Variants in SSX1 observed in about 807,000 individuals in gnomAD.
SSX1 encodes the protein SSX family member 1, also known as protein SSX1.
In SSX1, 58 loss-of-function variants were observed where a neutral mutation model predicts 14.6. That is an observed-to-expected ratio of 3.96 (90% CI 3.21 to 4.93). The LOEUF (loss-of-function observed/expected upper bound fraction) is 4.93. SSX1 is among the 30% of genes most tolerant of loss of function. The pLI, the probability that SSX1 is intolerant of heterozygous loss-of-function variation, is 0.00. For synonymous variants in SSX1, 46 were observed against 52.1 expected (o/e 0.88, Z 0.50); for missense variants, 272 against 143.1 (o/e 1.90, Z -4.60).
Position 48,257,734 on chromosome X carries a change from T to A in SSX1, c.70-12T>A. On this transcript the variant is annotated splice_polypyrimidine_tract_variant and intron_variant, in intron 2 of 7. Transcript: ENST00000376919. ...GCTGAGTCACTGACAAATTTTATTT[T>A]ATTTTTTTTAGGCCTTTGATGATAT... 8.4e-7 allele frequency: 1 copy of A among 1,193,465 alleles called. No individual in the cohort carries two copies. The highest frequency in any genetic ancestry group is 1.1e-6 in the Non-Finnish European group (1 of 882,229).
chrX:48,263,653 G>A, intron 5 of SSX1, 129 bp from the exon 6 acceptor site: 2 of 943,816 alleles, frequency 2.1e-6, no homozygotes, highest in Admixed American at 5.4e-5. Context: ...TCTCATTTAG[G>A]CAAGTGTAAC....
At chrX:48,256,378 G>A (rs782596706) in intron 1 of SSX1, among the ~76,000 whole-genome samples, 18 of 105,902 alleles carry the variant, frequency 1.7e-4, no homozygotes, top group African/African-American at 5.8e-4. Context: ...GGGCTCAAGC[G>A]ATCCGCCCCC....
chrX:48,265,881 T>C (rs2059621142), intron 6 of SSX1, among the ~76,000 whole-genome samples: 1 of 111,454 alleles, frequency 9.0e-6, no homozygotes, highest in African/African-American at 3.3e-5. Context: ...ATAACAGATA[T>C]AATAATAATG....
intron 4 of SSX1, 29 bp from the exon 5 acceptor site, chrX:48,261,735 CAA>C (rs1556935490): frequency 3.3e-6 from 4 of 1,208,138 alleles, no homozygotes; most frequent in Non-Finnish European, 4.5e-6. Flanking sequence ...TCTTTACCAA[CAA>C]AGAAAAATTC....
intron 6 of SSX1, among the ~76,000 whole-genome samples, chrX:48,265,875 C>G (rs1267617130): frequency 2.7e-5 from 3 of 111,585 alleles, no homozygotes; most frequent in African/African-American, 9.8e-5. Flanking sequence ...ATCACCATAA[C>G]AGATATAATA....
intron 6 of SSX1, among the ~76,000 whole-genome samples, chrX:48,264,472 C>T (rs1300680790): frequency 8.9e-6 from 1 of 112,442 alleles, no homozygotes; most frequent in Non-Finnish European, 1.9e-5. Context: ...TAAAAATGTA[C>T]ATACCTTAAT....
At chrX:48,256,285 C>T (rs370080117) in intron 1 of SSX1, among the ~76,000 whole-genome samples, 101 of 106,034 alleles carry the variant, frequency 9.5e-4, no homozygotes, top group African/African-American at 3.1e-3. Context: ...AGCACCACCC[C>T]GCCCCCACTA....
chrX:48,259,397 A>T (rs78542430), intron 4 of SSX1, among the ~76,000 whole-genome samples: 45,780 of 110,558 alleles, frequency 0.41, 7,045 homozygotes, highest in Non-Finnish European at 0.46. Context: ...TCCCCATACT[A>T]TTCTGTGTGT....
chrX:48,257,195 G>C, intron 1 of SSX1, 27 bp from the exon 2 acceptor site: 2 of 1,196,075 alleles, frequency 1.7e-6, no homozygotes, highest in Non-Finnish European at 2.3e-6. Flanking sequence ...CCTGTAGCTA[G>C]AAAGTCTCAG....
At chrX:48,262,931 C>G (rs12838891) in intron 5 of SSX1, among the ~76,000 whole-genome samples, 42,137 of 109,020 alleles carry the variant, frequency 0.39, 6,234 homozygotes, top group Non-Finnish European at 0.46. Context: ...GTCAAGAGAT[C>G]GAGACCGTCC....
intron 6 of SSX1, among the ~76,000 whole-genome samples, chrX:48,265,333 G>A (rs1292445374): frequency 8.9e-6 from 1 of 112,085 alleles, no homozygotes; most frequent in East Asian, 2.8e-4. Flanking sequence ...ACTAAGCTTA[G>A]CCATTTCTAG....
At chrX:48,258,709 CTGGCATT>C (rs2074144183) in intron 4 of SSX1, 78 bp downstream of exon 4, 1 of 848,736 alleles carries the variant, frequency 1.2e-6, no homozygotes, top group African/African-American at 2.0e-5. Context: ...GAAAGATCCT[CTGGCATT>C]TGTTCCCTCA....
At position 48,259,169 on chromosome X, in the gene SSX1, G is replaced by A. The variant is rs180968100; in HGVS notation, c.280+538G>A. The stretch of plus-strand genomic sequence containing the variant: ...CCGCCACCATGCCCACCTAATTTTT[G>A]TATTTTTAGTAGAGATGGGGTTTCA... On this transcript the variant is annotated intron_variant, in intron 4 of 7. Coordinates refer to ENST00000376919, the MANE Select transcript of SSX1 (RefSeq NM_005635.4). Among the ~76,000 whole-genome samples the A allele has an allele frequency of 3.0e-3, 337 of 110,719 alleles. 2 individuals carry two copies. Among genetic ancestry groups the A allele is most frequent in the African/African-American group, 0.01 (311 of 30,511 alleles).
In SSX1 at chrX:48,266,861, G is replaced by C. The variant is rs1233814730; in HGVS notation, c.*12G>C. 3 of 1,090,532 alleles carry C rather than the reference G, an allele frequency of 2.8e-6. No homozygotes were observed. The highest frequency in any genetic ancestry group is 3.0e-5 in the East Asian group (1 of 33,126). 89.9% of individuals were successfully genotyped at this position (1,090,532 alleles called of 1,213,427 possible). ...TCCCTCTTCTCGCCTCAGCCTGGGGGATACGACACATGCCCTTGATGAGAA... is the reference window on the plus strand; with the variant it reads ...TCCCTCTTCTCGCCTCAGCCTGGGGCATACGACACATGCCCTTGATGAGAA... On this transcript the variant is annotated 3_prime_UTR_variant, in exon 8 of 8. Transcript: ENST00000376919.
At chrX:48,259,409 T>G (rs1353870501) in intron 4 of SSX1, among the ~76,000 whole-genome samples, 3 of 111,324 alleles carry the variant, frequency 2.7e-5, no homozygotes, top group Non-Finnish European at 5.7e-5. Flanking sequence ...TCTGTGTGTT[T>G]GAAACATTTC....
intron 5 of SSX1, 87 bp downstream of exon 5, chrX:48,261,902 C>T (rs1258801136): frequency 6.6e-6 from 7 of 1,062,748 alleles, no homozygotes; most frequent in Non-Finnish European, 7.7e-6. Flanking sequence ...ATATCAAAAA[C>T]GCCCTCATTG....
At chrX:48,261,043 C>T (rs1556935392) in intron 4 of SSX1, among the ~76,000 whole-genome samples, 1 of 111,650 alleles carries the variant, frequency 9.0e-6, no homozygotes, top group Admixed American at 9.6e-5. Context: ...TCCCAATTGT[C>T]AGTGAGCGGA....
chrX:48,262,584 C>G, intron 5 of SSX1, among the ~76,000 whole-genome samples: 1 of 111,209 alleles, frequency 9.0e-6, no homozygotes, highest in Middle Eastern at 4.6e-3. Context: ...CCGAGAAGCC[C>G]CAGTCCCAGC....
chrX:48,259,263 C>T (rs1222154775), intron 4 of SSX1, among the ~76,000 whole-genome samples: 3 of 111,812 alleles, frequency 2.7e-5, no homozygotes, highest in Admixed American at 1.9e-4. Flanking sequence ...TCCCAAAGTG[C>T]TGGGATTACA....
Sources: allele counts gnomAD v4.1 joint callset (sites outside exome capture counted in the v4.1 genomes callset), GRCh38; gene constraint gnomAD v4.1.1; transcripts MANE v1.5; gene names NCBI Gene and HGNC (gene_info 2026-07-23, HGNC 2026-07-21).